Variants in NRP1 observed in about 807,000 individuals in gnomAD.
NRP1 encodes the protein neuropilin 1.
In NRP1, 35 loss-of-function variants were observed where a neutral mutation model predicts 106.7. That is an observed-to-expected ratio of 0.33 (90% CI 0.25 to 0.43). The LOEUF is 0.43. Ranked by LOEUF, NRP1 falls within the 20% of genes least tolerant of loss-of-function variation. The pLI is 1.00. For synonymous variants in NRP1, 437 were observed against 417.9 expected (o/e 1.05, Z -0.56); for missense variants, 1,024 against 1,170.4 (o/e 0.87, Z 1.83).
At chr10:33,275,624 G>T (rs571993114) in intron 2 of NRP1, among the ~76,000 whole-genome samples, 1 of 151,910 alleles carries the variant, frequency 6.6e-6, no homozygotes, top group Non-Finnish European at 1.5e-5. Context: ...CAGGCCAGGC[G>T]TGGAGGCTCA....
rs1564371496 is a variant in NRP1 at position 33,198,143 on chromosome 10, A to AT, written c.1865-435_1865-434insA. On this transcript the variant is annotated intron_variant, in intron 11 of 16. Transcript: ENST00000374867. Reference sequence around the variant, plus strand: ...CAATTTTCTTTTTTTTAAATTTTTAAATTTTTTTTTTTTTTTGAGATGGAG... The same window carrying AT: ...CAATTTTCTTTTTTTTAAATTTTTAATATTTTTTTTTTTTTTTGAGATGGAG... Among the ~76,000 whole-genome samples, 518 of 67,182 alleles carry AT rather than the reference A, an allele frequency of 7.7e-3. 5 individuals are homozygous for AT. The highest frequency in any genetic ancestry group is 0.031 in the African/African-American group (456 of 14,788). 44.1% of individuals were successfully genotyped at this position (67,182 alleles called of 152,430 possible). A position where few individuals can be genotyped will look rare whatever the true frequency, so the allele number is the denominator to read the frequency against.
chr10:33,216,034 T>C (rs1305066167), intron 8 of NRP1, among the ~76,000 whole-genome samples: 1 of 152,208 alleles, frequency 6.6e-6, no homozygotes. Context: ...TGTTTTCAAA[T>C]GCCACATCGT....
At chr10:33,303,232 AAACATTTTCG>A (rs1051642161) in intron 2 of NRP1, among the ~76,000 whole-genome samples, 26 of 152,334 alleles carry the variant, frequency 1.7e-4, no homozygotes, top group African/African-American at 4.8e-4. Context: ...ACAAACAAAC[AAACATTTTCG>A]AAAGACCTTC....
intron 7 of NRP1, among the ~76,000 whole-genome samples, chr10:33,224,560 T>TC (rs1403720457): frequency 1.3e-5 from 2 of 151,960 alleles, no homozygotes; most frequent in African/African-American, 2.4e-5. Context: ...TTTTTTTTTT[T>TC]TTCTTCAACC....
chr10:33,242,976 T>C (rs2133087353), intron 6 of NRP1, among the ~76,000 whole-genome samples: 1 of 152,256 alleles, frequency 6.6e-6, no homozygotes, highest in South Asian at 2.1e-4. Flanking sequence ...AAATAGCAGA[T>C]TTTGGCAAGA....
intron 5 of NRP1, among the ~76,000 whole-genome samples, chr10:33,256,103 C>T (rs1395325922): frequency 1.3e-5 from 2 of 152,114 alleles, no homozygotes; most frequent in Admixed American, 1.3e-4. Flanking sequence ...CAGAGGCTCC[C>T]AAGCAGGCTT....
intron 9 of NRP1, among the ~76,000 whole-genome samples, chr10:33,208,479 A>G (rs1047605081): frequency 1.3e-4 from 20 of 152,208 alleles, no homozygotes; most frequent in African/African-American, 4.6e-4. Flanking sequence ...GGGAAGATCA[A>G]AATCCTTGGT....
At chr10:33,256,290 G>A in intron 5 of NRP1, 26 bp downstream of exon 5, 2 of 1,611,484 alleles carry the variant, frequency 1.2e-6, no homozygotes, top group Non-Finnish European at 1.7e-6. Flanking sequence ...TTACCACAGG[G>A]CTTTGCAAAA....
intron 7 of NRP1, among the ~76,000 whole-genome samples, chr10:33,224,137 G>A (rs1472834301): frequency 6.6e-6 from 1 of 152,168 alleles, no homozygotes; most frequent in African/African-American, 2.4e-5. Context: ...TGGATGTTCT[G>A]GTTTCATTAG....
chr10:33,215,849 C>T (rs748760875), intron 8 of NRP1, among the ~76,000 whole-genome samples: 9 of 152,158 alleles, frequency 5.9e-5, no homozygotes, highest in Non-Finnish European at 4.4e-5. Flanking sequence ...GCATGCAGGC[C>T]TTCCATGTCA....
At chr10:33,190,774 GTA>G (rs1375424125) in intron 13 of NRP1, among the ~76,000 whole-genome samples, 1 of 152,144 alleles carries the variant, frequency 6.6e-6, no homozygotes, top group Non-Finnish European at 1.5e-5. Context: ...TTGTGAGTGT[GTA>G]TATGTGTGTG....
intron 6 of NRP1, among the ~76,000 whole-genome samples, chr10:33,238,309 C>T (rs571685751): frequency 2.2e-4 from 33 of 152,324 alleles, no homozygotes; most frequent in African/African-American, 6.5e-4. Context: ...TAAAGATTCA[C>T]GCTTCTGTTG....
In NRP1 at chr10:33,227,891, G is replaced by A. The variant is rs1839797854; in HGVS notation, c.982-1602C>T. ...ATGAAGGAGTGGGATTAGATAACTTGGAAGACTCTTTTCCACTCTGACCTC... is the reference window on the plus strand; with the variant it reads ...ATGAAGGAGTGGGATTAGATAACTTAGAAGACTCTTTTCCACTCTGACCTC... On this transcript the variant is annotated intron_variant, in intron 6 of 16. Coordinates refer to ENST00000374867, the MANE Select transcript of NRP1 (RefSeq NM_003873.7). Among the ~76,000 whole-genome samples the A allele has an allele frequency of 3.3e-5, 5 of 152,126 alleles. No individual in the cohort carries two copies. In the South Asian group the frequency reaches 1.0e-3, roughly 32 times the overall value.
Position 33,281,153 on chromosome 10 carries a change from G to A in NRP1, c.249-10297C>T, listed in dbSNP as rs547203619. 8.6e-5 allele frequency among the ~76,000 whole-genome samples: 13 copies of A among 151,676 alleles called. No homozygotes were observed. In the South Asian group the frequency reaches 2.7e-3, roughly 32 times the overall value. ...CAACCTCTGCCTACAAGGTTCAAGC[G>A]ATTCTCCTGCCTCAGCCTCCCAAGT... On this transcript the variant is annotated intron_variant, in intron 2 of 16. Transcript: ENST00000374867.
At chr10:33,259,157 G>A (rs1234176243) in intron 4 of NRP1, among the ~76,000 whole-genome samples, 1 of 152,296 alleles carries the variant, frequency 6.6e-6, no homozygotes, top group Non-Finnish European at 1.5e-5. Flanking sequence ...CTCTTTGAAA[G>A]AGAAAACAGA....
intron 6 of NRP1, among the ~76,000 whole-genome samples, chr10:33,226,568 C>A (rs1386060617): frequency 6.6e-6 from 1 of 152,204 alleles, no homozygotes; most frequent in South Asian, 2.1e-4. Context: ...ACCTGAAAAA[C>A]TAGTTCAGGC....
At chr10:33,188,014 C>A (rs1006217799) in intron 13 of NRP1, among the ~76,000 whole-genome samples, 6 of 152,168 alleles carry the variant, frequency 3.9e-5, no homozygotes, top group Admixed American at 6.5e-5. Flanking sequence ...ATGTCCCTCT[C>A]GCTCTCTGAC....
At chr10:33,290,374 T>C (rs1844909274) in intron 2 of NRP1, among the ~76,000 whole-genome samples, 1 of 147,602 alleles carries the variant, frequency 6.8e-6, no homozygotes, top group Admixed American at 6.8e-5. Context: ...TTTTAATTCA[T>C]AGGGGCCACC....
intron 8 of NRP1, among the ~76,000 whole-genome samples, chr10:33,218,292 A>G (rs962848595): frequency 1.3e-5 from 2 of 151,698 alleles, no homozygotes; most frequent in South Asian, 2.1e-4. Context: ...ATATCTCTAT[A>G]TGGTGACAAA....
Sources: allele counts gnomAD v4.1 joint callset (sites outside exome capture counted in the v4.1 genomes callset), GRCh38; gene constraint gnomAD v4.1.1; transcripts MANE v1.5; gene names NCBI Gene and HGNC (gene_info 2026-07-23, HGNC 2026-07-21).